BIRC6: variants seen among roughly 807,000 people sequenced by gnomAD.
The protein encoded by BIRC6 is baculoviral IAP repeat containing 6, also known as dual E2 ubiquitin-conjugating enzyme/E3 ubiquitin-protein ligase BIRC6.
In BIRC6, 98 loss-of-function variants were observed where a neutral mutation model predicts 503.3. The observed-to-expected ratio is 0.19, with a 90% CI of 0.17 to 0.23. BIRC6 has a LOEUF of 0.23. Ranked by LOEUF, BIRC6 falls within the 10% of genes least tolerant of loss-of-function variation. The pLI, the probability that BIRC6 is intolerant of heterozygous loss-of-function variation, is 1.00. For synonymous variants in BIRC6, 2,240 were observed against 2,078.7 expected (o/e 1.08, Z -2.11); for missense variants, 5,360 against 5,806.0 (o/e 0.92, Z 2.50).
intron 49 of BIRC6, among the ~76,000 whole-genome samples, chr2:32,504,242 T>A (rs2053552131): frequency 6.6e-6 from 1 of 152,102 alleles, no homozygotes. Context: ...ATTTAGGTAT[T>A]TACTTTTTTA....
At chr2:32,450,440 C>A (rs1041167267) in intron 22 of BIRC6, among the ~76,000 whole-genome samples, 1 of 151,724 alleles carries the variant, frequency 6.6e-6, no homozygotes, top group East Asian at 1.9e-4. Flanking sequence ...CCAGCCCGGG[C>A]GAAAGAGTGA....
At chr2:32,559,698 T>TG (rs113520058) in intron 65 of BIRC6, among the ~76,000 whole-genome samples, 2,332 of 144,072 alleles carry the variant, frequency 0.016, 50 homozygotes, top group African/African-American at 0.035. Flanking sequence ...CTCCTCTTGG[T>TG]TGGGGGGGTC....
chr2:32,432,133 G>A (rs559065430), intron 12 of BIRC6, among the ~76,000 whole-genome samples: 251 of 151,920 alleles, frequency 1.7e-3, no homozygotes, highest in Non-Finnish European at 3.1e-3. Flanking sequence ...AGGTAGCTGG[G>A]TGCCAGGCAT....
At chr2:32,373,353 G>A (rs762783275) in intron 1 of BIRC6, among the ~76,000 whole-genome samples, 1 of 152,174 alleles carries the variant, frequency 6.6e-6, no homozygotes, top group Non-Finnish European at 1.5e-5. Flanking sequence ...TGAAGCTACA[G>A]TAATCAATAT....
chr2:32,521,052 G>A (rs1299938130), intron 57 of BIRC6, among the ~76,000 whole-genome samples: 2 of 151,930 alleles, frequency 1.3e-5, no homozygotes, highest in African/African-American at 2.4e-5. Context: ...AAAAATAAAA[G>A]CTAATCGCTT....
chr2:32,499,523 G>GTCTCTCTC, intron 45 of BIRC6, 24 bp from the exon 46 acceptor site: 1 of 1,378,420 alleles, frequency 7.3e-7, no homozygotes, highest in East Asian at 2.5e-5. Context: ...CTCTTTTTCT[G>GTCTCTCTC]TCTCTCTCTC....
At position 32,357,711 on chromosome 2, in the gene BIRC6, G is replaced by C. The variant is rs1573593907; in HGVS notation, c.325+225G>C. Among the ~76,000 whole-genome samples the C allele has an allele frequency of 6.6e-6, 1 of 152,296 alleles. No homozygotes were observed. The highest frequency in any genetic ancestry group is 1.9e-4 in the East Asian group (1 of 5,174). On this transcript the variant is annotated intron_variant, in intron 1 of 73. Coordinates refer to ENST00000421745, the MANE Select transcript of BIRC6 (RefSeq NM_016252.4). This position sits in a 1 kb window ranked among gnomAD's most constrained non-coding sequence, Gnocchi z 4.9. ...AGACCGGCGAGTCAGGGAGTGGTGG[G>C]AGGGGAGTTGCCTTTCGGGCCTGGA...
intron 1 of BIRC6, among the ~76,000 whole-genome samples, chr2:32,361,917 A>G (rs1012661178): frequency 1.3e-5 from 2 of 152,226 alleles, no homozygotes; most frequent in Non-Finnish European, 2.9e-5. Context: ...GATGTAGCAC[A>G]GTTTATCCAT....
rs201614214 is a variant in BIRC6 at position 32,529,728 on chromosome 2, C to G, written c.11998C>G (p.Arg4000Gly). 5.6e-6 allele frequency: 9 copies of G among 1,613,288 alleles called. No homozygotes were observed. The African/African-American group carries it at 1.2e-4, about 22-fold the overall frequency. ...LYDRKLPQGYRSIDLTVKLGS... is the reference protein window; with the variant it reads ...LYDRKLPQGYGSIDLTVKLGS... ...TGACCGAAAACTTCCTCAGGGTTAC[C>G]GCTCAATAGATCTGACTGTTAAATT... Residue 4000 changes from arginine (R) to glycine (G), a missense_variant, in exon 60 of 74, where the codon CGC becomes GGC. Around this residue, in one of 16 missense-constraint regions of BIRC6, gnomAD observed 878 missense variants for 928.9 expected, o/e 0.95. Transcript: ENST00000421745.
intron 10 of BIRC6, among the ~76,000 whole-genome samples, chr2:32,428,862 A>G (rs1475316143): frequency 2.6e-5 from 4 of 152,240 alleles, no homozygotes; most frequent in South Asian, 4.1e-4. Flanking sequence ...TAAAAAGTAA[A>G]TGAATTAATT....
chr2:32,539,982 GAATAA>G (rs986656597), intron 61 of BIRC6, among the ~76,000 whole-genome samples: 72 of 152,066 alleles, frequency 4.7e-4, no homozygotes, highest in African/African-American at 1.6e-3. Context: ...AATTTCTATA[GAATAA>G]AATAAGGTAC....
chr2:32,507,929 C>T lies in BIRC6; in HGVS notation c.9701-51C>T. 4.6e-6 allele frequency: 7 copies of T among 1,521,648 alleles called. No homozygotes were observed. In the Admixed American group the frequency reaches 8.2e-5, roughly 18 times the overall value. The allele number at this position is 1,521,648 out of a possible 1,614,324, so 94.3% of individuals were successfully genotyped here. ...TTTACTGGGATTTTAATAAACTGTTCAATCTAGTATACTTTGTCTTTTGTG... is the reference window on the plus strand; with the variant it reads ...TTTACTGGGATTTTAATAAACTGTTTAATCTAGTATACTTTGTCTTTTGTG... On this transcript the variant is annotated intron_variant, in intron 50 of 73. Transcript: ENST00000421745.
Position 32,581,010 on chromosome 2 carries a change from C to T in BIRC6, c.13355+5644C>T, listed in dbSNP as rs370550621. On this transcript the variant is annotated intron_variant, in intron 66 of 73. Transcript: ENST00000421745. ...CTTCCTTTGTTCTCATATACGAATC[C>T]GACGTCTACAATGTTAGGCAGAAAT... Among the ~76,000 whole-genome samples, 88 of 152,270 alleles carry T rather than the reference C, an allele frequency of 5.8e-4. No individual in the cohort carries two copies. The Middle Eastern group carries it at 0.017, about 29-fold the overall frequency.
Position 32,509,753 on chromosome 2 carries a change from G to A in BIRC6, c.9996G>A (p.Arg3332=), listed in dbSNP as rs780446872. The A allele has an allele frequency of 2.5e-6, 4 of 1,613,938 alleles. No individual in the cohort carries two copies. The highest frequency in any genetic ancestry group is 2.7e-5 in the African/African-American group (2 of 75,044). The change falls in exon 52 of 74, where the codon CGG becomes CGA. Residue 3332 remains arginine (R), a synonymous_variant. Transcript: ENST00000421745. ...GTATTTTCAGTATTGGATGGTTACG[G>A]TTATTACATCATTGCCTTACTCACA... The part of the protein sequence containing the change: ...QVSKTSIGWL[R]LLHHCLTHIS...
At chr2:32,563,699 A>G (rs998070498) in intron 65 of BIRC6, 1 of 152,194 alleles carries the variant, frequency 6.6e-6, no homozygotes, top group African/African-American at 2.4e-5. Flanking sequence ...AAAGTATACA[A>G]TTCATTGATT....
intron 66 of BIRC6, among the ~76,000 whole-genome samples, chr2:32,586,208 A>G (rs1454559665): frequency 6.6e-6 from 1 of 151,982 alleles, no homozygotes; most frequent in African/African-American, 2.4e-5. Context: ...GAAAACACTG[A>G]TTAAATGCCT....
intron 1 of BIRC6, among the ~76,000 whole-genome samples, chr2:32,372,025 G>A (rs1333094778): frequency 6.8e-6 from 1 of 146,944 alleles, no homozygotes; most frequent in Non-Finnish European, 1.5e-5. Flanking sequence ...GGCTGGTCTC[G>A]AACTCCTGAC....
chr2:32,574,868 C>G (rs1384054785), intron 65 of BIRC6: 2 of 395,436 alleles, frequency 5.1e-6, no homozygotes, highest in Non-Finnish European at 9.5e-6. Context: ...CCTGCCTCAG[C>G]CTCCGAGTAG....
At chr2:32,433,359 G>C (rs2044348341) in intron 12 of BIRC6, among the ~76,000 whole-genome samples, 1 of 152,172 alleles carries the variant, frequency 6.6e-6, no homozygotes, top group African/African-American at 2.4e-5. Context: ...TGGGTACCAG[G>C]AATTTGCACG....
Sources: gnomAD v4.1 joint callset for allele counts (sites outside exome capture counted in the v4.1 genomes callset) on GRCh38, gnomAD v4.1.1 for gene constraint, gnomAD v4.1.1 regional missense constraint, Gnocchi (gnomAD v3.1) non-coding constraint, MANE v1.5 for transcripts, NCBI Gene and HGNC (gene_info 2026-07-23, HGNC 2026-07-21) for gene names.